The following AHCTF1 variants were observed in gnomAD, a reference collection of about 807,000 sequenced individuals.
The protein encoded by AHCTF1 is protein ELYS.
A neutral mutation model predicts 248.4 loss-of-function variants in AHCTF1; 24 were observed. The ratio of observed to expected loss-of-function variants is 0.10; its 90% confidence interval spans 0.07 to 0.14. AHCTF1 has a LOEUF of 0.14. Among genes scored for constraint, AHCTF1 ranks in the 10% least tolerant of loss-of-function variants. AHCTF1 has a pLI of 1.00. For synonymous variants in AHCTF1, 786 were observed against 929.8 expected (o/e 0.85, Z 2.81); for missense variants, 2,206 against 2,636.2 (o/e 0.84, Z 3.57).
chr1:246,892,588 T>TG (rs1301665799), intron 14 of AHCTF1, among the ~76,000 whole-genome samples: 1 of 152,292 alleles, frequency 6.6e-6, no homozygotes, highest in East Asian at 1.9e-4. Flanking sequence ...CCCAAAGTCC[T>TG]GGGATTACAG....
intron 29 of AHCTF1, among the ~76,000 whole-genome samples, chr1:246,860,410 A>T (rs1661449355): frequency 1.3e-5 from 2 of 152,236 alleles, no homozygotes; most frequent in South Asian, 4.1e-4. Flanking sequence ...TCACGGCCAA[A>T]TAAAAAATGT....
chr1:246,912,353 T>G (rs1384612703), intron 4 of AHCTF1, among the ~76,000 whole-genome samples: 4 of 151,244 alleles, frequency 2.6e-5, no homozygotes, highest in African/African-American at 9.7e-5. Flanking sequence ...CATGGTGGCG[T>G]GTGCCTGTAA....
intron 1 of AHCTF1, among the ~76,000 whole-genome samples, chr1:246,925,517 A>C (rs1006155379): frequency 6.6e-6 from 1 of 152,188 alleles, no homozygotes. Flanking sequence ...CACTCTGGGA[A>C]GCTCAGGCGG....
chr1:246,853,911 G>A (rs1295339254), intron 31 of AHCTF1, among the ~76,000 whole-genome samples: 1 of 152,130 alleles, frequency 6.6e-6, no homozygotes, highest in Non-Finnish European at 1.5e-5. Context: ...ATGTTTTCCT[G>A]TTTGGCAAAA....
Position 246,850,392 on chromosome 1 carries a change from G to A in AHCTF1, c.5614C>T (p.Pro1872Ser). 1 of 1,609,106 alleles carries A rather than the reference G, an allele frequency of 6.2e-7. No individual in the cohort carries two copies. The highest frequency in any genetic ancestry group is 8.5e-7 in the Non-Finnish European group (1 of 1,178,542). ...VKVSSVTKRT[P>S]RRIKRSVENQ... ...TCTACAGATCTTTTAATTCTTCTAGGAGTCCTTTTTGTAACAGATGAAACC... is the reference window on the plus strand; with the variant it reads ...TCTACAGATCTTTTAATTCTTCTAGAAGTCCTTTTTGTAACAGATGAAACC... Residue 1872 changes from proline (P) to serine (S), a missense_variant, in exon 33 of 36, where the codon CCT (proline) becomes TCT (serine). This residue lies in a region of AHCTF1 where 469 missense variants were observed against 470.0 expected (regional missense o/e 1.00). Coordinates refer to ENST00000648844, the MANE Select transcript of AHCTF1 (RefSeq NM_001323342.2).
At chr1:246,896,036 C>A (rs1220867872) in intron 12 of AHCTF1, 111 bp from the exon 13 acceptor site, 1 of 766,626 alleles carries the variant, frequency 1.3e-6, no homozygotes, top group East Asian at 2.6e-5. Flanking sequence ...ATCAGTATGA[C>A]CCATAAGAAG....
At chr1:246,911,874 T>C (rs914906522) in intron 4 of AHCTF1, among the ~76,000 whole-genome samples, 2 of 152,170 alleles carry the variant, frequency 1.3e-5, no homozygotes, top group Non-Finnish European at 2.9e-5. Context: ...TTAAGTTTTG[T>C]TCAGATGATT....
intron 2 of AHCTF1, among the ~76,000 whole-genome samples, chr1:246,916,868 C>T (rs1420755511): frequency 6.6e-6 from 1 of 152,132 alleles, no homozygotes; most frequent in African/African-American, 2.4e-5. Flanking sequence ...AAGGCTTAAA[C>T]GATTTAAACT....
intron 1 of AHCTF1, among the ~76,000 whole-genome samples, chr1:246,919,719 C>T (rs919464907): frequency 2.8e-5 from 4 of 141,646 alleles, no homozygotes; most frequent in Admixed American, 7.0e-5. Context: ...AAAAAAAAAT[C>T]CTCAAGAGAA....
chr1:246,845,378 AAT>A (rs1450972555), intron 33 of AHCTF1, among the ~76,000 whole-genome samples: 6 of 152,252 alleles, frequency 3.9e-5, no homozygotes, highest in South Asian at 2.1e-4. Context: ...AAAAAAGAAA[AAT>A]AGAGTTGATA....
intron 24 of AHCTF1, among the ~76,000 whole-genome samples, chr1:246,875,466 G>C (rs958345375): frequency 6.6e-6 from 1 of 152,284 alleles, no homozygotes; most frequent in South Asian, 2.1e-4. Context: ...AAGATGACAG[G>C]GCAGAGGCAG....
chr1:246,891,032 C>A lies in AHCTF1; in HGVS notation c.1974G>T (p.Val658=). 6.4e-7 allele frequency: 1 copy of A among 1,555,862 alleles called. No homozygotes were observed. ...RGLIDLSNKF[V]VSHLICQYAQ... Reference sequence around the variant, plus strand: ...CATACTGACAGATGAGGTGGGAAACCACAAACTTATTGCTTAAGTCTATCA... The same window carrying A: ...CATACTGACAGATGAGGTGGGAAACAACAAACTTATTGCTTAAGTCTATCA... The change falls in exon 16 of 36, where the codon GTG becomes GTT. Residue 658 remains valine, a synonymous_variant. Transcript: ENST00000648844.
In AHCTF1 at chr1:246,853,392, T is replaced by A. The variant is rs1660861502; in HGVS notation, c.4355-93A>T. ...CAGAAAGGAAAAGGCTACACTGCACTTGAATAGTGTATTAATAAACTATCA... is the reference window on the plus strand; with the variant it reads ...CAGAAAGGAAAAGGCTACACTGCACATGAATAGTGTATTAATAAACTATCA... On this transcript the variant is annotated intron_variant, in intron 31 of 35. Coordinates refer to ENST00000648844, the MANE Select transcript of AHCTF1 (RefSeq NM_001323342.2). 15 of 955,474 alleles carry A rather than the reference T, an allele frequency of 1.6e-5. No homozygotes were observed. The South Asian group carries it at 2.1e-4, about 13-fold the overall frequency. The allele number at this position is 955,474 out of a possible 1,614,324, so 59.2% of individuals were successfully genotyped here. A position where few individuals can be genotyped will look rare whatever the true frequency, so the allele number is the denominator to read the frequency against.
intron 1 of AHCTF1, among the ~76,000 whole-genome samples, chr1:246,930,103 G>GA (rs1175371569): frequency 3.3e-5 from 5 of 150,952 alleles, no homozygotes; most frequent in African/African-American, 7.3e-5. Context: ...AGCATAAAAA[G>GA]AAAACAAAAG....
At chr1:246,867,193 G>C (rs545073615) in intron 26 of AHCTF1, 51 bp downstream of exon 26, 1 of 931,490 alleles carries the variant, frequency 1.1e-6, no homozygotes, top group Non-Finnish European at 1.6e-6. Context: ...AATTACAATT[G>C]TAACTATCAT....
At chr1:246,844,779 G>C (rs1660125508) in intron 33 of AHCTF1, among the ~76,000 whole-genome samples, 1 of 150,584 alleles carries the variant, frequency 6.6e-6, no homozygotes, top group African/African-American at 2.4e-5. Flanking sequence ...TTTAAAATAA[G>C]GAATTAAAAG....
chr1:246,857,294 T>C (rs920699296), intron 30 of AHCTF1, among the ~76,000 whole-genome samples: 1 of 151,984 alleles, frequency 6.6e-6, no homozygotes, highest in African/African-American at 2.4e-5. Flanking sequence ...GAGTCATGTA[T>C]TGAACAAATG....
intron 1 of AHCTF1, among the ~76,000 whole-genome samples, chr1:246,919,610 G>C (rs1344459332): frequency 6.6e-6 from 1 of 151,702 alleles, no homozygotes; most frequent in African/African-American, 2.4e-5. Context: ...CTACTCGGGA[G>C]GCTGAAGCAG....
intron 7 of AHCTF1, among the ~76,000 whole-genome samples, chr1:246,902,937 A>G (rs2103178971): frequency 6.6e-6 from 1 of 152,346 alleles, no homozygotes; most frequent in Admixed American, 6.5e-5. Flanking sequence ...ACTGGTTGGT[A>G]TGTAAACTGG....
Sources: gnomAD v4.1 joint callset for allele counts (sites outside exome capture counted in the v4.1 genomes callset) on GRCh38, gnomAD v4.1.1 for gene constraint, gnomAD v4.1.1 regional missense constraint, MANE v1.5 for transcripts, NCBI Gene and HGNC (gene_info 2026-07-23, HGNC 2026-07-21) for gene names.